Variants in TM4SF5 observed in about 807,000 individuals in gnomAD.
TM4SF5 encodes transmembrane 4 L six family member 5, also known as transmembrane 4 L6 family member 5.
Under a neutral mutation model 22.3 loss-of-function variants are expected in TM4SF5, and 16 were observed. The ratio of observed to expected loss-of-function variants is 0.72; its 90% CI spans 0.49 to 1.09. TM4SF5 has a LOEUF of 1.09. Among genes scored for constraint, TM4SF5 ranks in the 50% least tolerant of loss-of-function variants. TM4SF5 has a pLI of 0.00. For missense variants in TM4SF5, 249 were observed against 266.1 expected (o/e 0.94, Z 0.45); for synonymous variants, 113 against 109.6 (o/e 1.03, Z -0.19).
chr17:4,778,662 AG>A (rs1428132886), intron 1 of TM4SF5, among the ~76,000 whole-genome samples: 1 of 152,136 alleles, frequency 6.6e-6, no homozygotes, highest in African/African-American at 2.4e-5. Flanking sequence ...GTGGAATTCC[AG>A]AGATAGGAGA....
Position 4,771,896 on chromosome 17 carries a change from A to ACCG in TM4SF5, c.-24_-22dup. 2 of 1,613,002 alleles carry ACCG rather than the reference A, an allele frequency of 1.2e-6. No individual in the cohort carries two copies. Among genetic ancestry groups the ACCG allele is most frequent in the Non-Finnish European group, 1.7e-6 (2 of 1,179,398 alleles). ...GGGAACCACTGGCTTACTTTCACTC[A>ACCG]CCGCCTGTCCTTCCTGACACCTCAC... On this transcript the variant is annotated 5_prime_UTR_variant, in exon 1 of 5. Coordinates refer to ENST00000270560, the MANE Select transcript of TM4SF5 (RefSeq NM_003963.3).
At chr17:4,781,198 CGGG>C (rs978591820) in intron 2 of TM4SF5, among the ~76,000 whole-genome samples, 2 of 146,262 alleles carry the variant, frequency 1.4e-5, no homozygotes, top group Admixed American at 6.8e-5. Context: ...GGCGTGGTGG[CGGG>C]CACCTGTAAT....
At position 4,780,823 on chromosome 17, in the gene TM4SF5, G is replaced by C. The variant is rs771891341; in HGVS notation, c.212G>C (p.Gly71Ala). The change falls in exon 2 of 5, where the codon GGG (glycine) becomes GCG (alanine). Residue 71 changes from glycine to alanine, a missense_variant. Transcript: ENST00000270560. ...LCPGIAAVRA[G>A]GKGCCGAGCC... The stretch of plus-strand genomic sequence containing the variant: ...CCGGGGATTGCAGCCGTTCGGGCAG[G>C]GGGCAAGGGCTGCTGTGGTGCTGGG... 56 of 1,610,462 alleles carry C rather than the reference G, an allele frequency of 3.5e-5. No homozygotes were observed. The Admixed American group carries it at 8.9e-4, about 26-fold the overall frequency.
chr17:4,781,933 G>A (rs34460487), intron 2 of TM4SF5, among the ~76,000 whole-genome samples: 37,497 of 151,212 alleles, frequency 0.25, 5,794 homozygotes, highest in Non-Finnish European at 0.35. Context: ...CCCTTCACCC[G>A]CCTACCCCTC....
At chr17:4,782,734 G>T in intron 3 of TM4SF5, 95 bp downstream of exon 3, 2 of 1,578,148 alleles carry the variant, frequency 1.3e-6, no homozygotes, top group Non-Finnish European at 1.7e-6. Context: ...ACTCGACTTC[G>T]AGGGCACTCG....
chr17:4,782,356 G>A (rs1917327178), intron 2 of TM4SF5, 147 bp from the exon 3 acceptor site: 1 of 923,704 alleles, frequency 1.1e-6, no homozygotes, highest in Non-Finnish European at 1.7e-6. Context: ...TGAGATTACA[G>A]GGGTGAGCCA....
intron 1 of TM4SF5, 111 bp downstream of exon 1, chr17:4,772,210 G>T: frequency 2.2e-6 from 3 of 1,374,258 alleles, no homozygotes; most frequent in Non-Finnish European, 3.0e-6. Flanking sequence ...GGAGAGGATG[G>T]CAATGGCTTC....
intron 1 of TM4SF5, among the ~76,000 whole-genome samples, chr17:4,774,818 A>G (rs1268959770): frequency 6.6e-6 from 1 of 151,966 alleles, no homozygotes; most frequent in East Asian, 1.9e-4. Context: ...GAGGCAGGAG[A>G]ATTGCTTGAA....
chr17:4,780,553 A>G (rs189532225), intron 1 of TM4SF5, among the ~76,000 whole-genome samples: 3 of 152,298 alleles, frequency 2.0e-5, no homozygotes, highest in African/African-American at 7.2e-5. Flanking sequence ...GGGGAAAATA[A>G]TGATATTGGG....
intron 2 of TM4SF5, among the ~76,000 whole-genome samples, chr17:4,782,141 GGCTGGA>G (rs1213342655): frequency 6.6e-6 from 1 of 151,162 alleles, no homozygotes; most frequent in Non-Finnish European, 1.5e-5. Context: ...CTGTCGCCCA[GGCTGGA>G]GTGCAGTGGT....
chr17:4,779,620 T>A (rs1437857205), intron 1 of TM4SF5, among the ~76,000 whole-genome samples: 1 of 152,168 alleles, frequency 6.6e-6, no homozygotes, highest in Non-Finnish European at 1.5e-5. Context: ...GAAAATTTGA[T>A]GTCTTTCTGG....
rs145035684 is a variant in TM4SF5 at position 4,777,500 on chromosome 17, G to T, written c.178-3289G>T. Among the ~76,000 whole-genome samples the T allele has an allele frequency of 2.8e-4, 42 of 152,228 alleles. No individual in the cohort carries two copies. The East Asian group carries it at 7.9e-3, about 29-fold the overall frequency. On this transcript the variant is annotated intron_variant, in intron 1 of 4. Transcript: ENST00000270560. The stretch of plus-strand genomic sequence containing the variant: ...ATGCCTGTAAAATCCCAACACTTTG[G>T]GAGGTGGAGGCAGGAGAATCGCTTG...
chr17:4,781,135 TAAAA>T (rs541886050), intron 2 of TM4SF5, among the ~76,000 whole-genome samples: 5 of 125,182 alleles, frequency 4.0e-5, no homozygotes, highest in African/African-American at 1.5e-4. Context: ...AGCAGTGATT[TAAAA>T]AAAAAAAAAA....
chr17:4,778,515 G>A (rs528698962), intron 1 of TM4SF5, among the ~76,000 whole-genome samples: 1 of 152,274 alleles, frequency 6.6e-6, no homozygotes, highest in East Asian at 1.9e-4. Flanking sequence ...GCCGAGGTGA[G>A]AAGATCATTT....
chr17:4,775,587 T>C (rs1238660226), intron 1 of TM4SF5, among the ~76,000 whole-genome samples: 1 of 151,932 alleles, frequency 6.6e-6, no homozygotes, highest in Non-Finnish European at 1.5e-5. Flanking sequence ...TTTGGCACTT[T>C]GTTTTTTGAC....
chr17:4,779,486 G>C (rs1045125488), intron 1 of TM4SF5, among the ~76,000 whole-genome samples: 2 of 152,086 alleles, frequency 1.3e-5, no homozygotes, highest in Admixed American at 1.3e-4. Flanking sequence ...TAGAGTGTAG[G>C]GTGGCATGGG....
rs1313164451 is a variant in TM4SF5, at chr17:4,771,887, C to T, written c.-36C>T. The T allele has an allele frequency of 1.2e-6, 2 of 1,612,312 alleles. No homozygotes were observed. The highest frequency in any genetic ancestry group is 1.3e-5 in the African/African-American group (1 of 74,920). ...TCTGGACCTGGGAACCACTGGCTTA[C>T]TTTCACTCACCGCCTGTCCTTCCTG... On this transcript the variant is annotated 5_prime_UTR_variant, in exon 1 of 5. Transcript: ENST00000270560.
At chr17:4,778,668 A>G (rs1364094597) in intron 1 of TM4SF5, among the ~76,000 whole-genome samples, 1 of 152,172 alleles carries the variant, frequency 6.6e-6, no homozygotes, top group African/African-American at 2.4e-5. Context: ...TTCCAGAGAT[A>G]GGAGACAGGC....
Position 4,780,864 on chromosome 17 carries a change from T to A in TM4SF5, c.253T>A (p.Cys85Ser). 1 of 1,612,082 alleles carries A rather than the reference T, an allele frequency of 6.2e-7. No homozygotes were observed. The highest frequency in any genetic ancestry group is 8.5e-7 in the Non-Finnish European group (1 of 1,179,022). ...CCGAGCCGNRCRMLRSVFSSA... is the reference protein window; with the variant it reads ...CCGAGCCGNRSRMLRSVFSSA... ...TGGTGCTGGGTGCTGTGGAAACCGC[T>A]GCAGGGTAAGATCCAGATTAAGAAG... The change falls in exon 2 of 5, where the codon TGC (cysteine) becomes AGC (serine). Residue 85 changes from cysteine to serine, a missense_variant. Coordinates refer to ENST00000270560, the MANE Select transcript of TM4SF5 (RefSeq NM_003963.3).
Sources: gnomAD v4.1 joint callset for allele counts (sites outside exome capture counted in the v4.1 genomes callset) on GRCh38, gnomAD v4.1.1 for gene constraint, MANE v1.5 for transcripts, NCBI Gene and HGNC (gene_info 2026-07-23, HGNC 2026-07-21) for gene names.